Variants in SLC35D1 observed in about 807,000 individuals in gnomAD.
The protein encoded by SLC35D1 is solute carrier family 35 member D1, also known as nucleotide sugar transporter SLC35D1.
Under a neutral mutation model 46.7 loss-of-function variants are expected in SLC35D1, and 31 were observed. The ratio of observed to expected loss-of-function variants is 0.66; its 90% CI spans 0.50 to 0.90. The LOEUF (loss-of-function observed/expected upper bound fraction) is 0.90. Among genes scored for constraint, SLC35D1 ranks in the 40% least tolerant of loss-of-function variants. The pLI, the probability that SLC35D1 is intolerant of heterozygous loss-of-function variation, is 0.00. For missense variants in SLC35D1, 397 were observed against 426.2 expected (o/e 0.93, Z 0.60); for synonymous variants, 195 against 164.6 (o/e 1.18, Z -1.41).
chr1:67,012,035 CTT>C (rs1667576022), intron 10 of SLC35D1, among the ~76,000 whole-genome samples: 1 of 152,218 alleles, frequency 6.6e-6, no homozygotes, highest in Non-Finnish European at 1.5e-5. Context: ...AGCACTCTCT[CTT>C]GGTCTCTGCC....
chr1:67,014,670 GTTTT>G (rs34459732), intron 10 of SLC35D1, among the ~76,000 whole-genome samples: 12 of 99,974 alleles, frequency 1.2e-4, no homozygotes, highest in Admixed American at 6.7e-4. Flanking sequence ...TCAATTTTTA[GTTTT>G]TTTTTTTTTT....
At chr1:66,985,969 A>C in the SLC35D1 span, 2 of 985,508 alleles carry the variant, frequency 2.0e-6, no homozygotes, top group Non-Finnish European at 2.4e-6. Flanking sequence ...ATGTCAGCTT[A>C]AGTGCTTAAA....
chr1:67,054,074 A>T lies in SLC35D1; in HGVS notation c.-61T>A. 6.4e-7 allele frequency: 1 copy of T among 1,562,710 alleles called. No homozygotes were observed. The highest frequency in any genetic ancestry group is 1.1e-5 in the South Asian group (1 of 89,044). ...TAGCGGCTCGGGGGCCTGCAGCGGC[A>T]GCTCCCAGGGGACTCCAGGAGTTGG... On this transcript the variant is annotated 5_prime_UTR_variant, in exon 1 of 12. Coordinates refer to ENST00000235345, the MANE Select transcript of SLC35D1 (RefSeq NM_015139.3).
chr1:67,014,294 T>C (rs553574571), intron 10 of SLC35D1, among the ~76,000 whole-genome samples: 3 of 152,344 alleles, frequency 2.0e-5, no homozygotes, highest in South Asian at 2.1e-4. Flanking sequence ...CACTTTAAAA[T>C]ATAATTTACT....
At chr1:67,020,088 C>G (rs1667766520) in intron 10 of SLC35D1, among the ~76,000 whole-genome samples, 1 of 152,186 alleles carries the variant, frequency 6.6e-6, no homozygotes, top group South Asian at 2.1e-4. Flanking sequence ...AGCTATTAAT[C>G]TGCCCTGTCA....
At chr1:66,981,817 C>G in the SLC35D1 span, 1 of 1,613,860 alleles carries the variant, frequency 6.2e-7, no homozygotes, top group Non-Finnish European at 8.5e-7. Context: ...AGTGAAAGTG[C>G]TGCATCTAGT....
chr1:67,044,522 A>C (rs1425952537), intron 7 of SLC35D1, among the ~76,000 whole-genome samples: 3 of 151,950 alleles, frequency 2.0e-5, no homozygotes, highest in Admixed American at 1.3e-4. Context: ...TTTTGCTTAA[A>C]ATTTTAACAT....
Position 67,014,201 on chromosome 1 carries a change from A to G in SLC35D1, c.877-5034T>C, listed in dbSNP as rs545927451. Among the ~76,000 whole-genome samples, 6 of 152,320 alleles carry G rather than the reference A, an allele frequency of 3.9e-5. No homozygotes were observed. The South Asian group carries it at 6.2e-4, about 16-fold the overall frequency. ...CCCTTATAAAATCCTATAAGTTCCT[A>G]TAAGTCTGTTACCTTGACATCCATT... On this transcript the variant is annotated intron_variant, in intron 10 of 11. Transcript: ENST00000235345.
At chr1:67,025,084 G>A (rs1667890703) in intron 8 of SLC35D1, among the ~76,000 whole-genome samples, 1 of 152,002 alleles carries the variant, frequency 6.6e-6, no homozygotes, top group South Asian at 2.1e-4. Context: ...CAGTCATATT[G>A]AATTAGTGAC....
the SLC35D1 span, chr1:66,976,838 G>A: frequency 2.6e-5 from 22 of 848,076 alleles, no homozygotes; most frequent in Non-Finnish European, 3.7e-5. Flanking sequence ...ATCTTAACCA[G>A]AAGGCCGAGA....
At chr1:67,020,334 C>T (rs1667771072) in intron 10 of SLC35D1, 35 bp downstream of exon 10, 1 of 1,331,616 alleles carries the variant, frequency 7.5e-7, no homozygotes. Flanking sequence ...TCAAATAATG[C>T]AGGTACCAAA....
chr1:67,052,247 G>A (rs1055482027), intron 3 of SLC35D1, among the ~76,000 whole-genome samples, 168 bp from the exon 4 acceptor site: 1 of 152,048 alleles, frequency 6.6e-6, no homozygotes, highest in Admixed American at 6.5e-5. Flanking sequence ...CAAAACTTAT[G>A]CTTGGATAAA....
the SLC35D1 span, among the ~76,000 whole-genome samples, chr1:66,982,220 C>G: frequency 2.0e-5 from 3 of 152,124 alleles, no homozygotes; most frequent in African/African-American, 7.2e-5. Flanking sequence ...TGCCTAGATA[C>G]AAGTATTTAT....
intron 8 of SLC35D1, among the ~76,000 whole-genome samples, chr1:67,039,806 C>T (rs569222675): frequency 1.3e-5 from 2 of 152,128 alleles, no homozygotes; most frequent in African/African-American, 4.8e-5. Flanking sequence ...GGCTTTTACT[C>T]CTCAGAAACT....
At chr1:66,978,035 A>G in the SLC35D1 span, among the ~76,000 whole-genome samples, 3 of 151,998 alleles carry the variant, frequency 2.0e-5, no homozygotes, top group African/African-American at 7.3e-5. Flanking sequence ...CATATCTACT[A>G]AAAATACAAA....
chr1:66,981,513 C>T, the SLC35D1 span, among the ~76,000 whole-genome samples: 1 of 152,282 alleles, frequency 6.6e-6, no homozygotes, highest in South Asian at 2.1e-4. Flanking sequence ...CTCTGAGCAC[C>T]TGCCTACAAC....
At chr1:66,986,353 T>G in the SLC35D1 span, 1 of 1,589,504 alleles carries the variant, frequency 6.3e-7, no homozygotes, top group Admixed American at 1.7e-5. Context: ...TAGACCAACC[T>G]ATATCCAAAC....
chr1:67,009,202 G>A, intron 10 of SLC35D1, 35 bp from the exon 11 acceptor site: 2 of 747,982 alleles, frequency 2.7e-6, no homozygotes, highest in Non-Finnish European at 4.3e-6. Flanking sequence ...TGTTATATAG[G>A]TTTAACTGAG....
chr1:67,023,902 T>C (rs1570621750), intron 8 of SLC35D1, among the ~76,000 whole-genome samples: 1 of 151,952 alleles, frequency 6.6e-6, no homozygotes, highest in Non-Finnish European at 1.5e-5. Flanking sequence ...CACACATACA[T>C]AAAATACAAA....
Sources: allele counts gnomAD v4.1 joint callset (sites outside exome capture counted in the v4.1 genomes callset), GRCh38; gene constraint gnomAD v4.1.1; transcripts MANE v1.5; gene names NCBI Gene and HGNC (gene_info 2026-07-23, HGNC 2026-07-21).